The following PITPNM2 variants were observed in gnomAD, a reference collection of about 807,000 sequenced individuals.
PITPNM2 encodes the protein membrane-associated phosphatidylinositol transfer protein 2.
In PITPNM2, 35 loss-of-function variants were observed where a neutral mutation model predicts 132.2. The observed-to-expected ratio is 0.26, with a 90% CI of 0.20 to 0.35. PITPNM2 has a LOEUF of 0.35. Ranked by LOEUF, PITPNM2 falls within the 10% of genes least tolerant of loss-of-function variation. The probability of loss-of-function intolerance (pLI) is 1.00; values close to 1 mark genes in which losing one functional copy is unlikely to be tolerated. For missense variants in PITPNM2, 1,332 were observed against 1,912.0 expected (o/e 0.70, Z 5.66); for synonymous variants, 738 against 799.2 (o/e 0.92, Z 1.29).
At chr12:123,089,399 C>CTT (rs2042200409) in intron 2 of PITPNM2, 1 of 152,188 alleles carries the variant, frequency 6.6e-6, no homozygotes, top group South Asian at 2.1e-4. Flanking sequence ...TCACTCAAGG[C>CTT]TCTAAAATGT....
chr12:123,125,674 C>T (rs931599118), intron 1 of PITPNM2, among the ~76,000 whole-genome samples: 1 of 150,962 alleles, frequency 6.6e-6, no homozygotes, highest in Non-Finnish European at 1.5e-5. Flanking sequence ...GAAACCCCGT[C>T]TCTATTAAAA....
intron 2 of PITPNM2, among the ~76,000 whole-genome samples, chr12:123,048,444 C>T (rs11061549): frequency 1.4e-5 from 2 of 146,404 alleles, no homozygotes; most frequent in Non-Finnish European, 3.0e-5. Flanking sequence ...CTCGCTCTGT[C>T]GCCCAGGCCG....
chr12:123,080,809 A>T (rs2041938127), intron 2 of PITPNM2, among the ~76,000 whole-genome samples: 1 of 152,196 alleles, frequency 6.6e-6, no homozygotes, highest in Middle Eastern at 3.2e-3. Context: ...GAATGGGGCA[A>T]CAATCTCTAC....
In PITPNM2 at chr12:123,034,432, C is replaced by T. The variant is rs556066585; in HGVS notation, c.78+81G>A. ...AGGCACTGCACTGTGAAGGCCACAA[C>T]TCCACCTAACCCACATGTGGTGTCT... On this transcript the variant is annotated intron_variant, in intron 3 of 25. Transcript: ENST00000320201. 5.2e-5 allele frequency: 70 copies of T among 1,354,642 alleles called. No individual in the cohort carries two copies. In the East Asian group the frequency reaches 1.0e-3, roughly 20 times the overall value. The allele number at this position is 1,354,642 out of a possible 1,614,324, so 83.9% of individuals were successfully genotyped here.
intron 20 of PITPNM2, 109 bp from the exon 21 acceptor site, chr12:122,988,010 G>A (rs185128759): frequency 1.7e-4 from 174 of 1,051,144 alleles, no homozygotes; most frequent in Admixed American, 3.6e-4. Flanking sequence ...TGTGAGCTGC[G>A]CAGCCCATGT....
chr12:123,024,102 G>T (rs1221751160), intron 3 of PITPNM2, among the ~76,000 whole-genome samples: 6 of 152,028 alleles, frequency 3.9e-5, no homozygotes, highest in Non-Finnish European at 8.8e-5. Flanking sequence ...AAAATAGTAA[G>T]AATAATAAAG....
At chr12:123,035,155 A>C (rs927888291) in intron 2 of PITPNM2, among the ~76,000 whole-genome samples, 1 of 152,236 alleles carries the variant, frequency 6.6e-6, no homozygotes, top group East Asian at 1.9e-4. Flanking sequence ...GGGGCAGATG[A>C]CATCACTACA....
chr12:123,054,108 T>C (rs1447584737), intron 2 of PITPNM2, among the ~76,000 whole-genome samples: 2 of 152,156 alleles, frequency 1.3e-5, no homozygotes, highest in Non-Finnish European at 2.9e-5. Flanking sequence ...TTATTTATAA[T>C]TTTTTATTTT....
At chr12:123,025,121 G>A (rs2039810609) in intron 3 of PITPNM2, among the ~76,000 whole-genome samples, 1 of 152,220 alleles carries the variant, frequency 6.6e-6, no homozygotes, top group South Asian at 2.1e-4. Flanking sequence ...GTTTGAGGCA[G>A]TGGCGACTTT....
chr12:122,994,426 G>A lies in PITPNM2; in HGVS notation c.2233+375C>T, dbSNP rs2038329277. Among the ~76,000 whole-genome samples the A allele has an allele frequency of 1.3e-5, 2 of 151,816 alleles. No homozygotes were observed. The highest frequency in any genetic ancestry group is 2.9e-5 in the Non-Finnish European group (2 of 67,948). On this transcript the variant is annotated intron_variant, in intron 15 of 25. Transcript: ENST00000320201. This position sits in a 1 kb window ranked among gnomAD's most constrained non-coding sequence, Gnocchi z 5.4. The stretch of plus-strand genomic sequence containing the variant: ...CAGGGCTGGGAGCCCACTATACCCA[G>A]GAGGCTTTGGGGATGCCTGGCCTCT...
chr12:122,995,271 T>C (rs2038374318), intron 14 of PITPNM2, 118 bp downstream of exon 14: 5 of 1,411,746 alleles, frequency 3.5e-6, no homozygotes, highest in Admixed American at 2.6e-5. Flanking sequence ...GGTCTCAGGC[T>C]GGGGGAACCT....
rs1467351566 is a variant in PITPNM2, at chr12:123,036,164, G to A, written c.-95-1479C>T. On this transcript the variant is annotated intron_variant, in intron 2 of 25. Coordinates refer to ENST00000320201, the MANE Select transcript of PITPNM2 (RefSeq NM_020845.3). The surrounding 1 kb of genome is among the most constrained non-coding windows in gnomAD (Gnocchi z 4.1). ...CTTCCCCAGGGCACGGCTCTCTATC[G>A]GGCATTGGAGTATCACCCAGGTGCT... is the stretch of plus-strand genomic sequence containing the variant. Among the ~76,000 whole-genome samples, 2 of 152,176 alleles carry A rather than the reference G, an allele frequency of 1.3e-5. No individual in the cohort carries two copies. Among genetic ancestry groups the A allele is most frequent in the Non-Finnish European group, 2.9e-5 (2 of 68,032 alleles).
At position 123,014,004 on chromosome 12, in the gene PITPNM2, G is replaced by T. The variant is rs768151554; in HGVS notation, c.117C>A (p.Gly39=). Residue 39 remains glycine, a synonymous_variant, in exon 4 of 26, where the codon GGC becomes GGA. Coordinates refer to ENST00000320201, the MANE Select transcript of PITPNM2 (RefSeq NM_020845.3). Reference sequence around the variant, plus strand: ...ACGGCCGGTTCTCCAGGATCTCCACGCCGCTGCCTTCGCCATATGTCTCGT... The same window carrying T: ...ACGGCCGGTTCTCCAGGATCTCCACTCCGCTGCCTTCGCCATATGTCTCGT... ...SRNETYGEGS[G]VEILENRPYT... 6.2e-6 allele frequency: 10 copies of T among 1,614,242 alleles called. No individual in the cohort carries two copies. The highest frequency in any genetic ancestry group is 8.5e-6 in the Non-Finnish European group (10 of 1,180,048).
chr12:123,094,546 G>C (rs569599776), intron 2 of PITPNM2, among the ~76,000 whole-genome samples: 2 of 152,356 alleles, frequency 1.3e-5, no homozygotes, highest in East Asian at 3.9e-4. Context: ...CTCTGGGGAC[G>C]TTACCCAAAT....
intron 8 of PITPNM2, among the ~76,000 whole-genome samples, chr12:123,003,014 C>A (rs763240761): frequency 6.6e-6 from 1 of 152,196 alleles, no homozygotes. Flanking sequence ...GCTGGGATTA[C>A]AGGTGTGAGC....
intron 8 of PITPNM2, among the ~76,000 whole-genome samples, 173 bp from the exon 9 acceptor site, chr12:123,001,331 T>C (rs1463377014): frequency 2.6e-5 from 4 of 152,194 alleles, no homozygotes; most frequent in Admixed American, 2.6e-4. Context: ...AGTGGTAACA[T>C]TCACATAAGA....
chr12:123,068,941 C>T (rs1419597102), intron 2 of PITPNM2, among the ~76,000 whole-genome samples: 1 of 152,148 alleles, frequency 6.6e-6, no homozygotes, highest in Non-Finnish European at 1.5e-5. Flanking sequence ...TAGAAACACC[C>T]AGTGAGCTTG....
At position 123,000,974 on chromosome 12, in the gene PITPNM2, C is replaced by T. The variant is rs951260790; in HGVS notation, c.1153+80G>A. 6.6e-7 allele frequency: 1 copy of T among 1,526,260 alleles called. No homozygotes were observed. The highest frequency in any genetic ancestry group is 9.1e-7 in the Non-Finnish European group (1 of 1,100,986). 94.5% of individuals were successfully genotyped at this position (1,526,260 alleles called of 1,614,324 possible). A position where few individuals can be genotyped will look rare whatever the true frequency, so the allele number is the denominator to read the frequency against. ...ACTCACATGTATGCCCAGCACTGTG[C>T]AGAAGCTGGTCAGAAAGGAGGGGGC... On this transcript the variant is annotated intron_variant, in intron 9 of 25. Transcript: ENST00000320201. This position sits in a 1 kb window ranked among gnomAD's most constrained non-coding sequence, Gnocchi z 5.4.
chr12:123,148,923 G>C (rs1002326310), intron 1 of PITPNM2, among the ~76,000 whole-genome samples: 1 of 152,150 alleles, frequency 6.6e-6, no homozygotes, highest in Non-Finnish European at 1.5e-5. Context: ...AAGGCACCTG[G>C]GGAGAGGGAG....
Sources: allele counts gnomAD v4.1 joint callset (sites outside exome capture counted in the v4.1 genomes callset), GRCh38; gene constraint gnomAD v4.1.1; non-coding constraint Gnocchi (gnomAD v3.1); transcripts MANE v1.5; gene names NCBI Gene and HGNC (gene_info 2026-07-23, HGNC 2026-07-21).